The following MLLT10 variants were observed in gnomAD, a reference collection of about 807,000 sequenced individuals.
MLLT10 encodes the protein protein AF-10.
MLLT10 carries 30 observed loss-of-function variants against 129.1 expected under a neutral mutation model. The ratio of observed to expected loss-of-function variants is 0.23; its 90% confidence interval spans 0.17 to 0.32. The LOEUF (loss-of-function observed/expected upper bound fraction) is 0.32. Ranked by LOEUF, MLLT10 falls within the 10% of genes least tolerant of loss-of-function variation. MLLT10 has a pLI of 1.00. For missense variants in MLLT10, 1,119 were observed against 1,268.3 expected, an observed-to-expected ratio of 0.88 and a Z score of 1.79; for synonymous variants, 490 against 446.4, an observed-to-expected ratio of 1.10 and a Z score of -1.23.
intron 13 of MLLT10, among the ~76,000 whole-genome samples, chr10:21,713,551 C>T (rs1217187254): frequency 6.6e-6 from 1 of 152,162 alleles, no homozygotes; most frequent in East Asian, 1.9e-4. Flanking sequence ...TTAACAAAAG[C>T]CTTTTTGCTA....
chr10:21,673,427 T>G lies in MLLT10; in HGVS notation c.1129T>G (p.Phe377Val). ...GCAGTCTCCCCAGGATTTCCTGAGC[T>G]TTACAGACTCAGATCTGCGTAATGA... is the stretch of plus-strand genomic sequence containing the variant. ...SVQSPQDFLS[F>V]TDSDLRNDSY... Residue 377 changes from phenylalanine to valine, a missense_variant, in exon 11 of 23, where the codon TTT becomes GTT. This residue lies in a region of MLLT10 where 1,004 missense variants were observed against 1,008.7 expected (regional missense o/e 1.00). Coordinates refer to ENST00000307729, the MANE Select transcript of MLLT10 (RefSeq NM_001195626.3). The G allele has an allele frequency of 3.1e-6, 5 of 1,612,472 alleles. No individual in the cohort carries two copies. Among genetic ancestry groups the G allele is most frequent in the Non-Finnish European group, 4.2e-6 (5 of 1,179,386 alleles).
chr10:21,612,274 T>G (rs2044736146), intron 5 of MLLT10, 74 bp from the exon 6 acceptor site: 10 of 861,776 alleles, frequency 1.2e-5, no homozygotes, highest in Non-Finnish European at 1.6e-5. Context: ...TCTTCATTTC[T>G]GAAGATAATT....
chr10:21,552,574 T>TAG (rs2037260549), intron 3 of MLLT10, among the ~76,000 whole-genome samples: 1 of 151,274 alleles, frequency 6.6e-6, no homozygotes, highest in Non-Finnish European at 1.5e-5. Flanking sequence ...GTATTTTTAA[T>TAG]AGAGACGGGG....
intron 8 of MLLT10, among the ~76,000 whole-genome samples, chr10:21,629,785 C>A (rs1421215794): frequency 1.3e-5 from 2 of 152,032 alleles, no homozygotes; most frequent in Non-Finnish European, 2.9e-5. Context: ...TGAGGAAGTA[C>A]AGGTAGTGAG....
At chr10:21,712,652 A>G (rs2056208443) in intron 13 of MLLT10, among the ~76,000 whole-genome samples, 2 of 152,040 alleles carry the variant, frequency 1.3e-5, no homozygotes. Context: ...CCTCCACACT[A>G]TTAACACTAT....
At chr10:21,730,707 T>G (rs559529028) in intron 16 of MLLT10, among the ~76,000 whole-genome samples, 193 bp from the exon 17 acceptor site, 5 of 152,198 alleles carry the variant, frequency 3.3e-5, no homozygotes, top group Non-Finnish European at 7.3e-5. Context: ...TCTATAATAT[T>G]GGGAGGAAGA....
chr10:21,734,945 G>T (rs894732094), intron 20 of MLLT10, among the ~76,000 whole-genome samples, 194 bp from the exon 21 acceptor site: 1 of 152,118 alleles, frequency 6.6e-6, no homozygotes, highest in Non-Finnish European at 1.5e-5. Flanking sequence ...GTGAATTCTT[G>T]TTTAGCTGTA....
chr10:21,685,995 A>G (rs2053254511), intron 13 of MLLT10, among the ~76,000 whole-genome samples: 1 of 152,208 alleles, frequency 6.6e-6, no homozygotes, highest in African/African-American at 2.4e-5. Context: ...TCCCTGAGAC[A>G]TAAAGATGAA....
intron 8 of MLLT10, among the ~76,000 whole-genome samples, chr10:21,641,262 G>A (rs774588275): frequency 2.0e-5 from 3 of 152,040 alleles, no homozygotes; most frequent in Non-Finnish European, 2.9e-5. Context: ...AAAAATGAAA[G>A]TTAAAAAACA....
chr10:21,727,014 T>C (rs918271478), intron 15 of MLLT10, among the ~76,000 whole-genome samples: 1 of 152,140 alleles, frequency 6.6e-6, no homozygotes, highest in Non-Finnish European at 1.5e-5. Context: ...TGGATTTGCT[T>C]TGTTTCATTG....
intron 20 of MLLT10, 24 bp from the exon 21 acceptor site, chr10:21,735,115 G>A (rs2058257508): frequency 1.3e-6 from 2 of 1,574,844 alleles, no homozygotes; most frequent in Non-Finnish European, 8.7e-7. Flanking sequence ...GTAGTAAAAA[G>A]TAAGAATTGT....
intron 3 of MLLT10, among the ~76,000 whole-genome samples, chr10:21,570,048 T>C (rs999743773): frequency 1.2e-4 from 18 of 152,158 alleles, no homozygotes; most frequent in Non-Finnish European, 2.4e-4. Context: ...TAGCTGGGAT[T>C]ACAGGCATGT....
In MLLT10 at chr10:21,665,277, T is replaced by G. The variant is rs1374628437; in HGVS notation, c.796-5172T>G. 3.6e-5 allele frequency among the ~76,000 whole-genome samples: 5 copies of G among 139,318 alleles called. No individual in the cohort carries two copies. In the South Asian group the frequency reaches 7.7e-4, roughly 21 times the overall value. 91.4% of individuals were successfully genotyped at this position (139,318 alleles called of 152,430 possible). ...TAATTTAACTTAAAATAGGCTTCTT[T>G]TTTGTTTGTTTGTTTGTTTTTTTTG... On this transcript the variant is annotated intron_variant, in intron 9 of 22. Coordinates refer to ENST00000307729, the MANE Select transcript of MLLT10 (RefSeq NM_001195626.3).
chr10:21,626,267 TC>T (rs2046425760), intron 8 of MLLT10: 2 of 1,490,264 alleles, frequency 1.3e-6, no homozygotes, highest in Non-Finnish European at 1.9e-6. Flanking sequence ...TTCATCAAGA[TC>T]GATACAAGCT....
intron 8 of MLLT10, among the ~76,000 whole-genome samples, chr10:21,647,895 G>C (rs1241767918): frequency 6.6e-6 from 1 of 151,112 alleles, no homozygotes; most frequent in Non-Finnish European, 1.5e-5. Context: ...TATTTTTTGG[G>C]GGGGAGGTTA....
intron 16 of MLLT10, among the ~76,000 whole-genome samples, chr10:21,729,953 C>T (rs940876916): frequency 6.6e-6 from 1 of 151,976 alleles, no homozygotes; most frequent in Admixed American, 6.6e-5. Flanking sequence ...TAGAAATATT[C>T]ATGTAAAAGG....
intron 4 of MLLT10, among the ~76,000 whole-genome samples, chr10:21,588,595 A>C (rs185374394): frequency 2.1e-3 from 327 of 152,192 alleles, no homozygotes; most frequent in Non-Finnish European, 3.6e-3. Context: ...AGATAGTCCC[A>C]AATTATTTGC....
At position 21,611,428 on chromosome 10, in the gene MLLT10, G is replaced by C. The variant is rs548861710; in HGVS notation, c.406-920G>C. On this transcript the variant is annotated intron_variant, in intron 5 of 22. Coordinates refer to ENST00000307729, the MANE Select transcript of MLLT10 (RefSeq NM_001195626.3). Reference sequence around the variant, plus strand: ...GTGTTATTTGGCACCACAGTGCAAAGTGAATGAAACCATTTGGTTGTGTTG... The same window carrying C: ...GTGTTATTTGGCACCACAGTGCAAACTGAATGAAACCATTTGGTTGTGTTG... Among the ~76,000 whole-genome samples, 26 of 152,004 alleles carry C rather than the reference G, an allele frequency of 1.7e-4. No homozygotes were observed. The South Asian group carries it at 2.9e-3, about 17-fold the overall frequency.
intron 13 of MLLT10, among the ~76,000 whole-genome samples, chr10:21,693,407 C>T (rs549878523): frequency 6.6e-6 from 1 of 151,694 alleles, no homozygotes; most frequent in South Asian, 2.1e-4. Flanking sequence ...GTTTCCTGAC[C>T]GTCTTTTTGT....
Sources: allele counts gnomAD v4.1 joint callset (sites outside exome capture counted in the v4.1 genomes callset), GRCh38; gene constraint gnomAD v4.1.1; regional missense constraint gnomAD v4.1.1; transcripts MANE v1.5; gene names NCBI Gene and HGNC (gene_info 2026-07-23, HGNC 2026-07-21).